The following LRMDA variants were observed in gnomAD, a reference collection of about 807,000 sequenced individuals.
LRMDA encodes the protein leucine rich melanocyte differentiation associated.
Under a neutral mutation model 29.8 loss-of-function variants are expected in LRMDA, and 18 were observed. The observed-to-expected ratio is 0.60, with a 90% CI of 0.42 to 0.90. The LOEUF is 0.90. Among genes scored for constraint, LRMDA ranks in the 40% least tolerant of loss-of-function variants. The pLI, the probability that LRMDA is intolerant of heterozygous loss-of-function variation, is 0.00. For missense variants in LRMDA, 273 were observed against 273.9 expected (o/e 1.00, Z 0.02); for synonymous variants, 125 against 109.4 (o/e 1.14, Z -0.89).
chr10:75,584,360 C>G (rs369559648), intron 2 of LRMDA, among the ~76,000 whole-genome samples: 1 of 152,150 alleles, frequency 6.6e-6, no homozygotes, highest in Non-Finnish European at 1.5e-5. Flanking sequence ...TCCTGTGTTT[C>G]TACTGCTCTC....
intron 2 of LRMDA, among the ~76,000 whole-genome samples, chr10:75,732,973 G>A (rs574585042): frequency 6.8e-4 from 103 of 152,258 alleles, no homozygotes; most frequent in Non-Finnish European, 1.1e-3. Flanking sequence ...GAAATGCACT[G>A]GGAAGCTAAA....
intron 5 of LRMDA, among the ~76,000 whole-genome samples, chr10:76,238,412 C>T (rs1852201021): frequency 1.3e-5 from 2 of 152,120 alleles, no homozygotes; most frequent in African/African-American, 4.8e-5. Flanking sequence ...AAGTCTGTTG[C>T]CTGTAATACT....
chr10:75,913,619 T>A (rs1845880882), intron 2 of LRMDA, among the ~76,000 whole-genome samples: 1 of 152,224 alleles, frequency 6.6e-6, no homozygotes, highest in Admixed American at 6.5e-5. Context: ...TCATACCTCC[T>A]TGAGGCTAGG....
chr10:75,857,153 T>G (rs892625571), intron 2 of LRMDA, among the ~76,000 whole-genome samples: 1 of 152,208 alleles, frequency 6.6e-6, no homozygotes, highest in Admixed American at 6.5e-5. Flanking sequence ...TGCACATCCC[T>G]CACAGATTTG....
At chr10:76,372,765 T>G (rs1841470111) in intron 6 of LRMDA, among the ~76,000 whole-genome samples, 1 of 152,160 alleles carries the variant, frequency 6.6e-6, no homozygotes, top group Admixed American at 6.5e-5. Context: ...AGACATCTCC[T>G]TTGCAGGTCC....
chr10:76,099,398 C>A (rs1007301398), intron 5 of LRMDA, among the ~76,000 whole-genome samples: 2 of 151,982 alleles, frequency 1.3e-5, no homozygotes, highest in Admixed American at 1.3e-4. Context: ...TTTTAATTTT[C>A]TTTTTTATTT....
chr10:76,293,691 G>A (rs568955810), intron 5 of LRMDA, among the ~76,000 whole-genome samples: 1 of 152,294 alleles, frequency 6.6e-6, no homozygotes, highest in Admixed American at 6.5e-5. Flanking sequence ...GCCACATGTG[G>A]CAGAGTTATC....
Position 75,438,289 on chromosome 10 carries a change from T to C in LRMDA, c.31-105T>C. The C allele has an allele frequency of 1.0e-5, 9 of 891,332 alleles. No individual in the cohort carries two copies. In the South Asian group the frequency reaches 1.4e-4, roughly 13 times the overall value. 55.2% of individuals were successfully genotyped at this position (891,332 alleles called of 1,614,324 possible). ...GTGGCCTTTTTGTGTGTGAGAAACA[T>C]GTGTTTCAAGTTGCAGAAGCAATCA... is the stretch of plus-strand genomic sequence containing the variant. On this transcript the variant is annotated intron_variant, in intron 1 of 6. Transcript: ENST00000611255.
intron 6 of LRMDA, among the ~76,000 whole-genome samples, chr10:76,549,830 C>T (rs1843472484): frequency 6.6e-6 from 1 of 152,106 alleles, no homozygotes; most frequent in Admixed American, 6.6e-5. Flanking sequence ...CACACAAATA[C>T]ATGGGGAGGA....
chr10:76,522,263 C>T (rs1025579012), intron 6 of LRMDA, among the ~76,000 whole-genome samples: 1 of 152,032 alleles, frequency 6.6e-6, no homozygotes, highest in Non-Finnish European at 1.5e-5. Context: ...ATAGGAAGAC[C>T]AAAGAACATA....
chr10:76,145,834 A>G (rs1483625124), intron 5 of LRMDA, among the ~76,000 whole-genome samples: 2 of 151,396 alleles, frequency 1.3e-5, no homozygotes, highest in Admixed American at 6.6e-5. Context: ...ATTTAGTGCT[A>G]TAAATTTCCC....
chr10:75,625,471 C>A (rs948194076), intron 2 of LRMDA, among the ~76,000 whole-genome samples: 3 of 152,160 alleles, frequency 2.0e-5, no homozygotes, highest in African/African-American at 7.2e-5. Context: ...AGACTCCAGG[C>A]TGATTAGAGT....
At chr10:76,180,382 C>T (rs1851024199) in intron 5 of LRMDA, among the ~76,000 whole-genome samples, 1 of 137,422 alleles carries the variant, frequency 7.3e-6, no homozygotes, top group Admixed American at 8.1e-5. Context: ...CAGGTTCAAA[C>T]AATTTTCCTC....
chr10:76,346,953 C>T (rs1841116044), intron 6 of LRMDA, among the ~76,000 whole-genome samples: 1 of 152,158 alleles, frequency 6.6e-6, no homozygotes, highest in African/African-American at 2.4e-5. Flanking sequence ...GAGAGCACTT[C>T]TGGCTTTTTT....
intron 5 of LRMDA, among the ~76,000 whole-genome samples, chr10:76,299,700 A>G (rs1234695729): frequency 6.6e-6 from 1 of 151,888 alleles, no homozygotes; most frequent in African/African-American, 2.4e-5. Context: ...TGGGGGCCAA[A>G]ACTTGCTAAT....
At chr10:75,701,283 G>A (rs140564757) in intron 2 of LRMDA, among the ~76,000 whole-genome samples, 3 of 152,256 alleles carry the variant, frequency 2.0e-5, no homozygotes, top group African/African-American at 7.2e-5. Context: ...TTCCCTACAG[G>A]GAGTATTGGA....
chr10:75,847,208 T>TACA (rs1844653587), intron 2 of LRMDA, among the ~76,000 whole-genome samples: 1 of 152,192 alleles, frequency 6.6e-6, no homozygotes, highest in African/African-American at 2.4e-5. Flanking sequence ...CCATTGTGTG[T>TACA]ATGGTCAAAT....
chr10:76,424,397 G>A (rs566817562), intron 6 of LRMDA, among the ~76,000 whole-genome samples: 2 of 152,184 alleles, frequency 1.3e-5, no homozygotes, highest in Non-Finnish European at 2.9e-5. Context: ...AAATTAGTCA[G>A]GCGTGGTGGC....
chr10:76,405,548 C>T (rs1343008090), intron 6 of LRMDA, among the ~76,000 whole-genome samples: 1 of 152,152 alleles, frequency 6.6e-6, no homozygotes, highest in Non-Finnish European at 1.5e-5. Flanking sequence ...ACAGTTCTCG[C>T]CTGTCTAAGG....
Sources: gnomAD v4.1 joint callset for allele counts (sites outside exome capture counted in the v4.1 genomes callset) on GRCh38, gnomAD v4.1.1 for gene constraint, MANE v1.5 for transcripts, NCBI Gene and HGNC (gene_info 2026-07-23, HGNC 2026-07-21) for gene names.